The following LRRC4C variants were observed in gnomAD, a reference collection of about 807,000 sequenced individuals.
LRRC4C encodes the protein leucine-rich repeat-containing protein 4C.
In LRRC4C, 5 loss-of-function variants were observed where a neutral mutation model predicts 33.6. That is an observed-to-expected ratio of 0.15 (90% CI 0.08 to 0.31). The LOEUF (loss-of-function observed/expected upper bound fraction) is 0.31. LRRC4C is among the 10% of genes least tolerant of loss of function. The pLI, the probability that LRRC4C is intolerant of heterozygous loss-of-function variation, is 1.00. For synonymous variants in LRRC4C, 329 were observed against 302.0 expected, an observed-to-expected ratio of 1.09 and a Z score of -0.93; for missense variants, 560 against 796.7, an observed-to-expected ratio of 0.70 and a Z score of 3.58.
At chr11:41,099,392 A>G (rs757609590) in intron 1 of LRRC4C, among the ~76,000 whole-genome samples, 31 of 151,118 alleles carry the variant, frequency 2.1e-4, no homozygotes, top group Non-Finnish European at 3.5e-4. Context: ...AAAAAAAAGA[A>G]AAAAAAAAAC....
chr11:40,859,466 C>A (rs1227769096), intron 2 of LRRC4C, among the ~76,000 whole-genome samples: 2 of 151,856 alleles, frequency 1.3e-5, no homozygotes, highest in Non-Finnish European at 2.9e-5. Flanking sequence ...AGACTGTACT[C>A]ACAAACACAA....
intron 1 of LRRC4C, among the ~76,000 whole-genome samples, chr11:40,987,670 TAAATG>T (rs1565274660): frequency 0.18 from 6,908 of 39,324 alleles, 661 homozygotes; most frequent in East Asian, 0.47. Flanking sequence ...ATATGAGATA[TAAATG>T]ATATATATAT....
intron 1 of LRRC4C, among the ~76,000 whole-genome samples, chr11:41,370,540 T>C (rs79300434): frequency 0.019 from 2,876 of 152,172 alleles, 83 homozygotes; most frequent in African/African-American, 0.065. Context: ...TTTTGTTTCT[T>C]CCTCATTTTC....
intron 3 of LRRC4C, among the ~76,000 whole-genome samples, chr11:40,386,310 A>G (rs996966542): frequency 1.3e-5 from 2 of 152,146 alleles, no homozygotes; most frequent in Non-Finnish European, 2.9e-5. Flanking sequence ...GGAGAATATA[A>G]TAGAACTTCT....
chr11:40,468,089 G>A (rs1952742446), intron 3 of LRRC4C, among the ~76,000 whole-genome samples: 1 of 152,026 alleles, frequency 6.6e-6, no homozygotes, highest in Non-Finnish European at 1.5e-5. Flanking sequence ...ATGTGACTTT[G>A]CTCCTCCATT....
At chr11:40,428,507 A>C (rs923663324) in intron 3 of LRRC4C, among the ~76,000 whole-genome samples, 1 of 152,210 alleles carries the variant, frequency 6.6e-6, no homozygotes, top group African/African-American at 2.4e-5. Context: ...CTGGAAGTCA[A>C]GTACTTTATA....
chr11:41,057,272 C>T (rs1019846878), intron 1 of LRRC4C, among the ~76,000 whole-genome samples: 1 of 152,196 alleles, frequency 6.6e-6, no homozygotes, highest in Admixed American at 6.5e-5. Context: ...TTCACACACT[C>T]GAGGCAGTGC....
At chr11:41,111,152 G>A (rs1439111831) in intron 1 of LRRC4C, among the ~76,000 whole-genome samples, 1 of 151,990 alleles carries the variant, frequency 6.6e-6, no homozygotes, top group African/African-American at 2.4e-5. Context: ...GAAATTAAAG[G>A]GTTGAGAATT....
chr11:40,729,560 C>T (rs1403966981), intron 2 of LRRC4C, among the ~76,000 whole-genome samples: 1 of 152,068 alleles, frequency 6.6e-6, no homozygotes, highest in Admixed American at 6.6e-5. Flanking sequence ...TAAGATCATT[C>T]CCCAAAGCCT....
intron 2 of LRRC4C, among the ~76,000 whole-genome samples, chr11:40,786,677 G>T (rs2137329250): frequency 6.6e-6 from 1 of 152,018 alleles, no homozygotes; most frequent in East Asian, 1.9e-4. Context: ...TGGTATCATT[G>T]GTGTATGTAA....
intron 1 of LRRC4C, among the ~76,000 whole-genome samples, chr11:41,062,121 A>G (rs1326683468): frequency 6.6e-6 from 1 of 152,248 alleles, no homozygotes; most frequent in Admixed American, 6.5e-5. Flanking sequence ...TAATTTCAGC[A>G]TTACAAGTGT....
chr11:40,199,291 G>A (rs145920156), intron 5 of LRRC4C, among the ~76,000 whole-genome samples: 41 of 152,194 alleles, frequency 2.7e-4, no homozygotes, highest in African/African-American at 9.4e-4. Context: ...GGCTGGCCTC[G>A]AACTCCTGAC....
chr11:40,336,867 C>T (rs1200401484), intron 3 of LRRC4C, among the ~76,000 whole-genome samples: 1 of 148,830 alleles, frequency 6.7e-6, no homozygotes, highest in Non-Finnish European at 1.5e-5. Flanking sequence ...GTCCCAGCTA[C>T]TCGGGAGGCT....
At chr11:40,661,663 T>C (rs1355522749) in intron 2 of LRRC4C, among the ~76,000 whole-genome samples, 1 of 152,212 alleles carries the variant, frequency 6.6e-6, no homozygotes, top group Non-Finnish European at 1.5e-5. Context: ...AGATAACCTA[T>C]AGAAAGTAGT....
intron 2 of LRRC4C, among the ~76,000 whole-genome samples, chr11:40,883,671 A>T (rs1955295012): frequency 6.6e-6 from 1 of 151,916 alleles, no homozygotes. Context: ...AGAGCTTTAT[A>T]AGTCATGCTT....
At chr11:40,423,771 T>C (rs1402681426) in intron 3 of LRRC4C, among the ~76,000 whole-genome samples, 2 of 152,280 alleles carry the variant, frequency 1.3e-5, no homozygotes, top group East Asian at 3.9e-4. Context: ...CTCATTTCCA[T>C]TGCAAAGATA....
intron 2 of LRRC4C, among the ~76,000 whole-genome samples, chr11:40,919,868 G>C (rs1957104323): frequency 6.6e-6 from 1 of 151,730 alleles, no homozygotes; most frequent in Non-Finnish European, 1.5e-5. Flanking sequence ...ATCTTTGCAA[G>C]GCATAAAAAA....
chr11:40,909,060 AG>A (rs1956551086), intron 2 of LRRC4C, among the ~76,000 whole-genome samples: 3 of 152,138 alleles, frequency 2.0e-5, no homozygotes, highest in Admixed American at 2.0e-4. Flanking sequence ...AACACTTTGT[AG>A]GTGTTATTTT....
chr11:40,774,025 A>C (rs964435238), intron 2 of LRRC4C, among the ~76,000 whole-genome samples: 3 of 152,046 alleles, frequency 2.0e-5, no homozygotes, highest in African/African-American at 7.2e-5. Flanking sequence ...CTCCTCACCT[A>C]TCCCTGGCAA....
Sources: allele counts gnomAD v4.1 joint callset (sites outside exome capture counted in the v4.1 genomes callset), GRCh38; gene constraint gnomAD v4.1.1; transcripts MANE v1.5; gene names NCBI Gene and HGNC (gene_info 2026-07-23, HGNC 2026-07-21).